SRGAP1: variants seen among roughly 807,000 people sequenced by gnomAD.
The protein encoded by SRGAP1 is SLIT-ROBO Rho GTPase-activating protein 1.
In SRGAP1, 43 loss-of-function variants were observed where a neutral mutation model predicts 121.9. The ratio of observed to expected loss-of-function variants is 0.35; its 90% confidence interval spans 0.28 to 0.46. SRGAP1 has a LOEUF of 0.46. SRGAP1 is among the 20% of genes least tolerant of loss of function. SRGAP1 has a pLI of 1.00. For missense variants in SRGAP1, 1,102 were observed against 1,350.9 expected (o/e 0.82, Z 2.89); for synonymous variants, 447 against 485.4 (o/e 0.92, Z 1.04).
chr12:63,888,531 T>C (rs1369196293), intron 1 of SRGAP1: 2 of 152,212 alleles, frequency 1.3e-5, no homozygotes, highest in East Asian at 3.8e-4. Context: ...ATTCTAGGCT[T>C]GTATCTTCTT....
At chr12:63,906,853 C>G (rs1289636338) in intron 1 of SRGAP1, among the ~76,000 whole-genome samples, 1 of 151,898 alleles carries the variant, frequency 6.6e-6, no homozygotes, top group African/African-American at 2.4e-5. Flanking sequence ...TGACTATACT[C>G]ACCCACTTTT....
At chr12:63,875,299 T>G (rs1899994680) in intron 1 of SRGAP1, among the ~76,000 whole-genome samples, 1 of 152,188 alleles carries the variant, frequency 6.6e-6, no homozygotes, top group African/African-American at 2.4e-5. Flanking sequence ...TGTGTGTATA[T>G]TTGTTTGTAC....
Position 64,150,608 on chromosome 12 carries a change from A to G in SRGAP1, c.*7936A>G, listed in dbSNP as rs1049436844. The G allele has an allele frequency of 6.6e-6, 1 of 152,112 alleles. No homozygotes were observed. The highest frequency in any genetic ancestry group is 1.5e-5 in the Non-Finnish European group (1 of 68,022). 9.4% of individuals were successfully genotyped at this position (152,112 alleles called of 1,614,324 possible). On this transcript the variant is annotated 3_prime_UTR_variant, in exon 22 of 22. Coordinates refer to ENST00000355086, the MANE Select transcript of SRGAP1 (RefSeq NM_020762.4). ...TGTACAATGACATGACATTAACTCA[A>G]AAATGAAGTTTGAGGTTCTGGGCCT...
In SRGAP1 at chr12:64,143,815, C is replaced by T. The variant is rs2037007373; in HGVS notation, c.*1143C>T. The T allele has an allele frequency of 6.6e-6, 1 of 152,144 alleles. No homozygotes were observed. Among genetic ancestry groups the T allele is most frequent in the African/African-American group, 2.4e-5 (1 of 41,426 alleles). The allele number at this position is 152,144 out of a possible 1,614,324, so 9.4% of individuals were successfully genotyped here. Reference sequence around the variant, plus strand: ...AAAAATGCTACAAAGTCCTGATGATCCTAAATTTGAAATCCCAACTGTCCT... The same window carrying T: ...AAAAATGCTACAAAGTCCTGATGATTCTAAATTTGAAATCCCAACTGTCCT... On this transcript the variant is annotated 3_prime_UTR_variant, in exon 22 of 22. Coordinates refer to ENST00000355086, the MANE Select transcript of SRGAP1 (RefSeq NM_020762.4).
intron 1 of SRGAP1, among the ~76,000 whole-genome samples, chr12:63,903,752 A>G (rs2030055827): frequency 6.6e-6 from 1 of 152,108 alleles, no homozygotes; most frequent in African/African-American, 2.4e-5. Flanking sequence ...CTCCTGCCTC[A>G]GCCTCCTGAG....
chr12:64,145,151 TAGTA>T lies in SRGAP1; in HGVS notation c.*2482_*2485del, dbSNP rs1234543477. 6.6e-6 allele frequency: 1 copy of T among 152,086 alleles called. No individual in the cohort carries two copies. The highest frequency in any genetic ancestry group is 2.4e-5 in the African/African-American group (1 of 41,402). The allele number at this position is 152,086 out of a possible 1,614,324, so 9.4% of individuals were successfully genotyped here. ...CGGCCATTCCACCACTTCTTTAAAA[TAGTA>T]AGAATTCTTAAAAACCATATTCCTT... On this transcript the variant is annotated 3_prime_UTR_variant, in exon 22 of 22. Transcript: ENST00000355086.
At chr12:63,933,299 A>G (rs2031545997) in intron 1 of SRGAP1, among the ~76,000 whole-genome samples, 1 of 152,064 alleles carries the variant, frequency 6.6e-6, no homozygotes, top group Non-Finnish European at 1.5e-5. Flanking sequence ...TTCTTGGGAG[A>G]GCATATTTTG....
At chr12:64,107,056 T>G (rs1356381957) in intron 15 of SRGAP1, among the ~76,000 whole-genome samples, 1 of 152,198 alleles carries the variant, frequency 6.6e-6, no homozygotes, top group Non-Finnish European at 1.5e-5. Flanking sequence ...GGTTCCAACT[T>G]TGGCATACTT....
At chr12:64,072,489 A>C (rs541364409) in intron 8 of SRGAP1, among the ~76,000 whole-genome samples, 2 of 152,284 alleles carry the variant, frequency 1.3e-5, no homozygotes, top group African/African-American at 4.8e-5. Flanking sequence ...TAATCAAATT[A>C]AAGTGAGGTC....
intron 6 of SRGAP1, among the ~76,000 whole-genome samples, chr12:64,058,951 A>C (rs1220485439): frequency 1.3e-5 from 2 of 152,174 alleles, no homozygotes; most frequent in Non-Finnish European, 2.9e-5. Flanking sequence ...TATCAGAAGT[A>C]ACAAAATTAA....
intron 1 of SRGAP1, among the ~76,000 whole-genome samples, chr12:63,880,002 A>G (rs1400372338): frequency 6.6e-6 from 1 of 152,118 alleles, no homozygotes; most frequent in Non-Finnish European, 1.5e-5. Flanking sequence ...CATAATCTCC[A>G]TGTGTCATGG....
intron 21 of SRGAP1, among the ~76,000 whole-genome samples, chr12:64,135,840 A>G (rs2036848930): frequency 1.3e-5 from 2 of 152,220 alleles, no homozygotes; most frequent in African/African-American, 2.4e-5. Context: ...TGGAATACAT[A>G]TACATATAAA....
intron 4 of SRGAP1, among the ~76,000 whole-genome samples, chr12:64,031,790 A>G (rs1327751137): frequency 6.6e-6 from 1 of 152,058 alleles, no homozygotes; most frequent in Non-Finnish European, 1.5e-5. Context: ...CTTTCATCCT[A>G]CACTTTTCAA....
chr12:63,992,429 T>TC (rs2033578917), intron 3 of SRGAP1, among the ~76,000 whole-genome samples: 1 of 152,034 alleles, frequency 6.6e-6, no homozygotes, highest in Admixed American at 6.6e-5. Context: ...CACCTGTGAG[T>TC]GCTCTGGGGC....
intron 3 of SRGAP1, among the ~76,000 whole-genome samples, chr12:64,006,080 G>A (rs1038709682): frequency 2.0e-5 from 3 of 152,156 alleles, no homozygotes; most frequent in Admixed American, 2.0e-4. Flanking sequence ...CTAAGACCAT[G>A]AGAGCACAAA....
chr12:64,003,052 AAG>A (rs1448782918), intron 3 of SRGAP1, among the ~76,000 whole-genome samples: 1 of 93,430 alleles, frequency 1.1e-5, no homozygotes, highest in South Asian at 4.6e-4. Context: ...GAGAGAGAGA[AAG>A]AGAGAAAGAA....
At chr12:64,020,870 AAGATGATTAC>A (rs1283248897) in intron 4 of SRGAP1, among the ~76,000 whole-genome samples, 1 of 151,364 alleles carries the variant, frequency 6.6e-6, no homozygotes, top group Non-Finnish European at 1.5e-5. Flanking sequence ...AAAGAAAAGA[AAGATGATTAC>A]TTCAGCCTTG....
Position 64,028,214 on chromosome 12 carries a change from C to T in SRGAP1, c.489+11202C>T, listed in dbSNP as rs537603318. Among the ~76,000 whole-genome samples the T allele has an allele frequency of 2.0e-5, 3 of 152,324 alleles. 1 individual carries two copies. The highest frequency in any genetic ancestry group is 4.1e-4 in the South Asian group (2 of 4,828). On this transcript the variant is annotated intron_variant, in intron 4 of 21. Coordinates refer to ENST00000355086, the MANE Select transcript of SRGAP1 (RefSeq NM_020762.4). ...GGCCCTGGTTAATATCTATTCCATG[C>T]ACAAACTCTTGGATATTTCTTTCAG...
intron 1 of SRGAP1, among the ~76,000 whole-genome samples, chr12:63,861,027 T>C (rs899736832): frequency 6.6e-6 from 1 of 151,952 alleles, no homozygotes; most frequent in East Asian, 1.9e-4. Flanking sequence ...GGGTCTTTAT[T>C]TGCTGAACCT....
Sources: gnomAD v4.1 joint callset for allele counts (sites outside exome capture counted in the v4.1 genomes callset) on GRCh38, gnomAD v4.1.1 for gene constraint, MANE v1.5 for transcripts, NCBI Gene and HGNC (gene_info 2026-07-23, HGNC 2026-07-21) for gene names.